SHOC1: variants seen among roughly 807,000 people sequenced by gnomAD.
SHOC1 encodes the protein protein shortage in chiasmata 1 ortholog.
SHOC1 carries 136 observed loss-of-function variants against 179.2 expected under a neutral mutation model. That is an observed-to-expected ratio of 0.76 (90% CI 0.66 to 0.87). The LOEUF is 0.87. Ranked by LOEUF, SHOC1 falls within the 40% of genes least tolerant of loss-of-function variation. The pLI is 0.00. For synonymous variants in SHOC1, 489 were observed against 586.6 expected, an observed-to-expected ratio of 0.83 and a Z score of 2.41; for missense variants, 1,538 against 1,700.8, an observed-to-expected ratio of 0.90 and a Z score of 1.68.
chr9:111,744,656 G>C (rs968679367), intron 10 of SHOC1, among the ~76,000 whole-genome samples: 16 of 152,252 alleles, frequency 1.1e-4, no homozygotes, highest in African/African-American at 3.9e-4. Flanking sequence ...TAATTCATTA[G>C]AGACTTGTAG....
At chr9:111,756,163 G>A (rs1188577402) in intron 8 of SHOC1, among the ~76,000 whole-genome samples, 162 bp downstream of exon 8, 1 of 152,074 alleles carries the variant, frequency 6.6e-6, no homozygotes, top group South Asian at 2.1e-4. Flanking sequence ...ATGACAATGA[G>A]AAAATAATCT....
At chr9:111,788,951 G>A (rs1047949449) in intron 2 of SHOC1, among the ~76,000 whole-genome samples, 3 of 151,976 alleles carry the variant, frequency 2.0e-5, no homozygotes, top group Non-Finnish European at 4.4e-5. Context: ...GTGGTCACTC[G>A]CTGGTTAACA....
intron 2 of SHOC1, among the ~76,000 whole-genome samples, chr9:111,789,387 C>T (rs905585192): frequency 3.9e-5 from 6 of 152,054 alleles, no homozygotes; most frequent in South Asian, 2.1e-4. Flanking sequence ...ATAATTTTCC[C>T]ACAAACTGTA....
At position 111,769,975 on chromosome 9, in the gene SHOC1, G is replaced by GTTTGTTT. The variant is rs1564161086; in HGVS notation, c.442+5815_442+5816insAAACAAA. On this transcript the variant is annotated intron_variant, in intron 5 of 27. Transcript: ENST00000682961. ...AATCTAGCGAAAGGTTTTATCTTCT[G>GTTTGTTT]TTTTTTTTTTGTTTTTTTTTTTTTT... Among the ~76,000 whole-genome samples, 24 of 87,760 alleles carry GTTTGTTT rather than the reference G, an allele frequency of 2.7e-4. 1 individual carries two copies. The highest frequency in any genetic ancestry group is 7.9e-4 in the South Asian group (2 of 2,522). 57.6% of individuals were successfully genotyped at this position (87,760 alleles called of 152,430 possible).
intron 27 of SHOC1, among the ~76,000 whole-genome samples, chr9:111,687,715 G>T (rs1443285081): frequency 6.6e-6 from 1 of 151,910 alleles, no homozygotes; most frequent in African/African-American, 2.4e-5. Flanking sequence ...CATCTTTGTG[G>T]TGAGAGTGTA....
intron 12 of SHOC1, among the ~76,000 whole-genome samples, chr9:111,735,118 C>T (rs1407572404): frequency 6.6e-6 from 1 of 152,174 alleles, no homozygotes; most frequent in Non-Finnish European, 1.5e-5. Context: ...CAGCTGCATC[C>T]ATGTCACTGC....
At chr9:111,781,047 C>G in intron 3 of SHOC1, 30 bp from the exon 4 acceptor site, 1 of 1,487,796 alleles carries the variant, frequency 6.7e-7, no homozygotes, top group Non-Finnish European at 9.3e-7. Flanking sequence ...ACATTAATGT[C>G]TAGAATTTTC....
chr9:111,751,226 T>A (rs1834568900), intron 8 of SHOC1, among the ~76,000 whole-genome samples: 1 of 152,246 alleles, frequency 6.6e-6, no homozygotes, highest in Non-Finnish European at 1.5e-5. Flanking sequence ...ACCAGTAACA[T>A]GCTGTTTTGG....
At position 111,775,951 on chromosome 9, in the gene SHOC1, G is replaced by C. The variant is rs1287411331; in HGVS notation, c.282C>G (p.Thr94=). 1 of 1,612,124 alleles carries C rather than the reference G, an allele frequency of 6.2e-7. No individual in the cohort carries two copies. The highest frequency in any genetic ancestry group is 2.2e-5 in the East Asian group (1 of 44,726). ...CTTCCTCAAATTCACAATTAATCTG[G>C]GTCACCATTCTTGTAATTGTTTTTC... ...LEKKTITRMV[T]QINCEFEEVV... Residue 94 remains threonine, a synonymous_variant, in exon 5 of 28, where the codon ACC becomes ACG. Coordinates refer to ENST00000682961, the MANE Select transcript of SHOC1 (RefSeq NM_001378211.1).
At chr9:111,789,079 T>G (rs1836362242) in intron 2 of SHOC1, among the ~76,000 whole-genome samples, 1 of 152,220 alleles carries the variant, frequency 6.6e-6, no homozygotes, top group African/African-American at 2.4e-5. Context: ...CCCCAGTGAT[T>G]CTAATTTCTC....
intron 1 of SHOC1, among the ~76,000 whole-genome samples, chr9:111,793,534 C>T (rs762220129): frequency 6.6e-6 from 1 of 151,442 alleles, no homozygotes; most frequent in South Asian, 2.1e-4. Flanking sequence ...ATACAGATAT[C>T]GAATCCATCT....
Position 111,769,975 on chromosome 9 carries a change from G to GTTTGTTTT in SHOC1, c.442+5815_442+5816insAAAACAAA, listed in dbSNP as rs1564161086. ...AATCTAGCGAAAGGTTTTATCTTCT[G>GTTTGTTTT]TTTTTTTTTTGTTTTTTTTTTTTTT... On this transcript the variant is annotated intron_variant, in intron 5 of 27. Transcript: ENST00000682961. 2.5e-4 allele frequency among the ~76,000 whole-genome samples: 22 copies of GTTTGTTTT among 87,790 alleles called. 2 individuals carry two copies. Among genetic ancestry groups the GTTTGTTTT allele is most frequent in the South Asian group, 4.0e-4 (1 of 2,524 alleles). 57.6% of individuals were successfully genotyped at this position (87,790 alleles called of 152,430 possible).
chr9:111,722,656 A>C, intron 14 of SHOC1, 71 bp from the exon 15 acceptor site: 1 of 1,313,906 alleles, frequency 7.6e-7, no homozygotes, highest in South Asian at 1.4e-5. Context: ...AACCAATTAA[A>C]TGTTATTTCG....
At chr9:111,751,220 G>C (rs947834274) in intron 8 of SHOC1, among the ~76,000 whole-genome samples, 1 of 152,180 alleles carries the variant, frequency 6.6e-6, no homozygotes. Context: ...TCTTGTACCA[G>C]TAACATGCTG....
intron 9 of SHOC1, among the ~76,000 whole-genome samples, chr9:111,747,056 T>C (rs1471278307): frequency 3.9e-5 from 6 of 152,280 alleles, no homozygotes; most frequent in African/African-American, 1.4e-4. Context: ...TTAGTGATGT[T>C]AAACAAACTG....
chr9:111,702,857 C>T (rs1832047326), intron 22 of SHOC1, among the ~76,000 whole-genome samples: 1 of 152,172 alleles, frequency 6.6e-6, no homozygotes. Context: ...TGCCTATAAT[C>T]CCAGCACTTT....
intron 2 of SHOC1, among the ~76,000 whole-genome samples, chr9:111,789,906 C>G (rs1836392320): frequency 6.6e-6 from 1 of 152,064 alleles, no homozygotes; most frequent in East Asian, 1.9e-4. Context: ...CCAGAAGATG[C>G]CTGCATGTCT....
intron 8 of SHOC1, among the ~76,000 whole-genome samples, chr9:111,749,409 C>T (rs1024024626): frequency 2.0e-5 from 3 of 152,160 alleles, no homozygotes; most frequent in Admixed American, 6.5e-5. Flanking sequence ...TTATTTTATG[C>T]TTCCAATGCC....
intron 4 of SHOC1, among the ~76,000 whole-genome samples, chr9:111,778,421 C>G (rs1835907982): frequency 6.6e-6 from 1 of 151,926 alleles, no homozygotes; most frequent in Non-Finnish European, 1.5e-5. Flanking sequence ...AGCTTATCTG[C>G]TAAAAGGAAG....
Sources: allele counts gnomAD v4.1 joint callset (sites outside exome capture counted in the v4.1 genomes callset), GRCh38; gene constraint gnomAD v4.1.1; transcripts MANE v1.5; gene names NCBI Gene and HGNC (gene_info 2026-07-23, HGNC 2026-07-21).